The following CHORDC1 variants were observed in gnomAD, a reference collection of about 807,000 sequenced individuals.
CHORDC1 encodes cysteine and histidine rich domain containing 1, also known as cysteine and histidine-rich domain-containing protein 1.
In CHORDC1, 25 loss-of-function variants were observed where a neutral mutation model predicts 48.3. That is an observed-to-expected ratio of 0.52 (90% confidence interval 0.38 to 0.72). The LOEUF (loss-of-function observed/expected upper bound fraction) is 0.72. Ranked by LOEUF, CHORDC1 falls within the 30% of genes least tolerant of loss-of-function variation. The probability of loss-of-function intolerance (pLI) is 0.00; values close to 1 mark genes in which losing one functional copy is unlikely to be tolerated. For missense variants in CHORDC1, 317 were observed against 388.7 expected (o/e 0.82, Z 1.55); for synonymous variants, 128 against 126.4 (o/e 1.01, Z -0.09).
chr11:90,219,998 A>C (rs1858124743), intron 1 of CHORDC1, among the ~76,000 whole-genome samples: 1 of 152,226 alleles, frequency 6.6e-6, no homozygotes, highest in Admixed American at 6.5e-5. Flanking sequence ...AATGTAGCCC[A>C]ACACAAATTT....
intron 6 of CHORDC1, 135 bp from the exon 7 acceptor site, chr11:90,206,407 C>T (rs549040021): frequency 8.4e-6 from 5 of 593,850 alleles, no homozygotes; most frequent in African/African-American, 5.6e-5. Context: ...TTCATAAATC[C>T]ATCCCACGCC....
chr11:90,210,458 G>A (rs764953640), intron 6 of CHORDC1, 78 bp downstream of exon 6: 11 of 855,468 alleles, frequency 1.3e-5, no homozygotes, highest in Admixed American at 2.2e-5. Flanking sequence ...AATGTTTGTT[G>A]AATTGAGTCA....
chr11:90,209,600 G>C (rs994174153), intron 6 of CHORDC1: 1 of 152,138 alleles, frequency 6.6e-6, no homozygotes, highest in Non-Finnish European at 1.5e-5. Context: ...GTAATATAAA[G>C]TGATTAAGAG....
In CHORDC1 at chr11:90,222,957, T is replaced by G; in HGVS notation, c.-3A>C. 1 of 1,613,634 alleles carries G rather than the reference T, an allele frequency of 6.2e-7. No individual in the cohort carries two copies. The highest frequency in any genetic ancestry group is 8.5e-7 in the Non-Finnish European group (1 of 1,179,612). Reference sequence around the variant, plus strand: ...CGGTTGTAGCACAGCAAGGCCATTTTCTTTTCCCACCGTCACAGGCAAGGC... The same window carrying G: ...CGGTTGTAGCACAGCAAGGCCATTTGCTTTTCCCACCGTCACAGGCAAGGC... On this transcript the variant is annotated 5_prime_UTR_variant, in exon 1 of 11. Coordinates refer to ENST00000320585, the MANE Select transcript of CHORDC1 (RefSeq NM_012124.3).
Position 90,214,017 on chromosome 11 carries a change from C to T in CHORDC1, c.329+1G>A. 2 of 1,608,878 alleles carry T rather than the reference C, an allele frequency of 1.2e-6. No individual in the cohort carries two copies. Among genetic ancestry groups the T allele is most frequent in the South Asian group, 1.1e-5 (1 of 90,268 alleles). ...AAAATATGTAACTGTATAAAGTATA[C>T]CTTGGTCTTTTTATTGCTTCTACTG... On this transcript the variant is annotated splice_donor_variant, in intron 4 of 10. Transcript: ENST00000320585. LOFTEE classifies it high-confidence loss of function.
chr11:90,215,988 T>C (rs1164668915), intron 2 of CHORDC1, among the ~76,000 whole-genome samples: 2 of 152,102 alleles, frequency 1.3e-5, no homozygotes, highest in African/African-American at 4.8e-5. Context: ...CATAAAAATA[T>C]GGTAGTGATT....
In CHORDC1 at chr11:90,218,328, G is replaced by A. The variant is rs377525784; in HGVS notation, c.65-144C>T. 2.0e-4 allele frequency: 112 copies of A among 569,616 alleles called. No homozygotes were observed. In the East Asian group the frequency reaches 3.1e-3, roughly 16 times the overall value. 35.3% of individuals were successfully genotyped at this position (569,616 alleles called of 1,614,324 possible). A position where few individuals can be genotyped will look rare whatever the true frequency, so the allele number is the denominator to read the frequency against. On this transcript the variant is annotated intron_variant, in intron 1 of 10. Coordinates refer to ENST00000320585, the MANE Select transcript of CHORDC1 (RefSeq NM_012124.3). Reference sequence around the variant, plus strand: ...AAAGGTACAAATGATTGAGTTTGACGTGCAGCACAAAGTGTACTATATTAA... The same window carrying A: ...AAAGGTACAAATGATTGAGTTTGACATGCAGCACAAAGTGTACTATATTAA...
At chr11:90,208,801 C>G (rs147868782) in intron 6 of CHORDC1, 96 of 152,204 alleles carry the variant, frequency 6.3e-4, no homozygotes, top group African/African-American at 2.1e-3. Flanking sequence ...TATCCTTTAA[C>G]AAACTTCAAT....
intron 1 of CHORDC1, among the ~76,000 whole-genome samples, chr11:90,221,337 C>G (rs528218145): frequency 7.9e-5 from 12 of 152,252 alleles, no homozygotes; most frequent in African/African-American, 2.6e-4. Flanking sequence ...AAAATGTATT[C>G]TAAGTCTCTA....
At chr11:90,222,138 CG>C (rs1311841017) in intron 1 of CHORDC1, among the ~76,000 whole-genome samples, 4 of 152,190 alleles carry the variant, frequency 2.6e-5, no homozygotes, top group Admixed American at 2.6e-4. Context: ...GATCATTTCC[CG>C]TCCTTCACCT....
chr11:90,215,220 C>A lies in CHORDC1; in HGVS notation c.125G>T (p.Cys42Phe), dbSNP rs1219303806. The change falls in exon 3 of 11, where the codon TGC becomes TTC. Residue 42 changes from cysteine (C) to phenylalanine (F), a missense_variant. Physicochemically the swap from Cys to Phe is radical, Grantham distance 205. Coordinates refer to ENST00000320585, the MANE Select transcript of CHORDC1 (RefSeq NM_012124.3). ...AAAATCAGTTGTTCTTCTCTTACAG[C>A]AAGACCAACCCTATGAAAAACAAGA... ...VFHDALKGWSCCKRRTTDFSD... is the reference protein window; with the variant it reads ...VFHDALKGWSFCKRRTTDFSD... 6.4e-7 allele frequency: 1 copy of A among 1,561,300 alleles called. No individual in the cohort carries two copies. The highest frequency in any genetic ancestry group is 8.7e-7 in the Non-Finnish European group (1 of 1,148,178).
chr11:90,206,454 C>G (rs1238285712), intron 6 of CHORDC1, 182 bp from the exon 7 acceptor site: 2 of 518,896 alleles, frequency 3.9e-6, no homozygotes, highest in East Asian at 6.8e-5. Flanking sequence ...CCCTTTTGGA[C>G]TTGGTTAAGT....
chr11:90,219,933 T>C (rs1201446709), intron 1 of CHORDC1, among the ~76,000 whole-genome samples: 4 of 152,240 alleles, frequency 2.6e-5, no homozygotes, highest in Non-Finnish European at 5.9e-5. Flanking sequence ...CAAGTCTATT[T>C]AGCTTTCAAT....
At chr11:90,212,594 A>C (rs1857902086) in intron 4 of CHORDC1, 1 of 151,942 alleles carries the variant, frequency 6.6e-6, no homozygotes, top group African/African-American at 2.4e-5. Context: ...TAAGAGAGGG[A>C]CTTTTCTTCT....
chr11:90,202,145 T>C lies in CHORDC1; in HGVS notation c.*260A>G, dbSNP rs1565165515. 3 of 349,426 alleles carry C rather than the reference T, an allele frequency of 8.6e-6. No homozygotes were observed. Among genetic ancestry groups the C allele is most frequent in the Non-Finnish European group, 1.0e-5 (2 of 194,966 alleles). 21.6% of individuals were successfully genotyped at this position (349,426 alleles called of 1,614,324 possible). On this transcript the variant is annotated 3_prime_UTR_variant, in exon 11 of 11. Coordinates refer to ENST00000320585, the MANE Select transcript of CHORDC1 (RefSeq NM_012124.3). Reference sequence around the variant, plus strand: ...TACTGCAATTATGGTTATGGGCTACTTTCCAGCCTCTTCAAGTATAGGACA... The same window carrying C: ...TACTGCAATTATGGTTATGGGCTACCTTCCAGCCTCTTCAAGTATAGGACA...
In CHORDC1 at chr11:90,210,614, AT is replaced by A. The variant is rs1244406842; in HGVS notation, c.434-21del. The A allele has an allele frequency of 6.7e-7, 1 of 1,499,826 alleles. No homozygotes were observed. Among genetic ancestry groups the A allele is most frequent in the African/African-American group, 1.4e-5 (1 of 71,726 alleles). 92.9% of individuals were successfully genotyped at this position (1,499,826 alleles called of 1,614,324 possible). On this transcript the variant is annotated intron_variant, in intron 5 of 10. Transcript: ENST00000320585. ...CTTCTTCTGTAACAAAGAAAAAAAAATCAAATTAAAAAGTTAAAATAGAACT... is the reference window on the plus strand; with the variant it reads ...CTTCTTCTGTAACAAAGAAAAAAAAACAAATTAAAAAGTTAAAATAGAACT...
intron 1 of CHORDC1, among the ~76,000 whole-genome samples, chr11:90,220,867 T>A (rs868014129): frequency 6.6e-6 from 1 of 152,158 alleles, no homozygotes; most frequent in South Asian, 2.1e-4. Flanking sequence ...GTTTTCCTCG[T>A]ATACGTCGAT....
At chr11:90,207,775 A>AAC (rs1554987829) in intron 6 of CHORDC1, 1 of 148,880 alleles carries the variant, frequency 6.7e-6, no homozygotes, top group Non-Finnish European at 1.5e-5. Context: ...AAAAAAAAAA[A>AAC]AAACAAAAAA....
intron 5 of CHORDC1, chr11:90,210,861 TTTCC>T (rs1178740781): frequency 1.3e-5 from 5 of 383,104 alleles, no homozygotes; most frequent in Non-Finnish European, 2.3e-5. Flanking sequence ...GAAAGGGTGT[TTTCC>T]TCCCATGGTA....
Sources: gnomAD v4.1 joint callset for allele counts (sites outside exome capture counted in the v4.1 genomes callset) on GRCh38, gnomAD v4.1.1 for gene constraint, MANE v1.5 for transcripts, NCBI Gene and HGNC (gene_info 2026-07-23, HGNC 2026-07-21) for gene names.